Variants in KIRREL3 observed in about 807,000 individuals in gnomAD.
KIRREL3 encodes the protein kirre like nephrin family adhesion molecule 3.
KIRREL3 carries 36 observed loss-of-function variants against 89.7 expected under a neutral mutation model. The observed-to-expected ratio is 0.40, with a 90% CI of 0.31 to 0.53. KIRREL3 has a LOEUF of 0.53. KIRREL3 is among the 20% of genes least tolerant of loss of function. The probability of loss-of-function intolerance (pLI) is 0.49; values close to 1 mark genes in which losing one functional copy is unlikely to be tolerated. For missense variants in KIRREL3, 864 were observed against 1,056.6 expected (o/e 0.82, Z 2.53); for synonymous variants, 445 against 441.4 (o/e 1.01, Z -0.10).
rs1957512261 is a variant in KIRREL3, at chr11:126,491,437, G to A, written c.434-17971C>T. On this transcript the variant is annotated intron_variant, in intron 4 of 16. Transcript: ENST00000525144. This position sits in a 1 kb window ranked among gnomAD's most constrained non-coding sequence, Gnocchi z 5.5. ...TGGCTGAGAACTAATTCAAGGCCAT[G>A]TGACTCTGGCTAAAGCCTGCATCCT... Among the ~76,000 whole-genome samples, 1 of 152,206 alleles carries A rather than the reference G, an allele frequency of 6.6e-6. No individual in the cohort carries two copies. Among genetic ancestry groups the A allele is most frequent in the African/African-American group, 2.4e-5 (1 of 41,462 alleles).
intron 1 of KIRREL3, among the ~76,000 whole-genome samples, chr11:126,753,362 C>T (rs1949397557): frequency 6.6e-6 from 1 of 152,156 alleles, no homozygotes; most frequent in South Asian, 2.1e-4. Context: ...TCAGTTACTC[C>T]AAGGAGCCAC....
intron 1 of KIRREL3, among the ~76,000 whole-genome samples, chr11:126,938,833 A>G (rs1371384593): frequency 6.6e-6 from 1 of 152,194 alleles, no homozygotes; most frequent in East Asian, 1.9e-4. Context: ...TCTCTACAGG[A>G]TATGTGAGAT....
In KIRREL3 at chr11:126,843,348, G is replaced by C. The variant is rs1381867833; in HGVS notation, c.55+157107C>G. Among the ~76,000 whole-genome samples the C allele has an allele frequency of 6.6e-6, 1 of 152,220 alleles. No homozygotes were observed. Among genetic ancestry groups the C allele is most frequent in the Non-Finnish European group, 1.5e-5 (1 of 68,034 alleles). On this transcript the variant is annotated intron_variant, in intron 1 of 16. Transcript: ENST00000525144. The surrounding 1 kb of genome is among the most constrained non-coding windows in gnomAD (Gnocchi z 4.6). ...CAAAGGCAATCTGGAAGATCTCCAA[G>C]TGTAAAGGTGCATGAGAAATGCTTC...
rs1274937793 is a variant in KIRREL3, at chr11:126,490,026, C to T, written c.434-16560G>A. On this transcript the variant is annotated intron_variant, in intron 4 of 16. Transcript: ENST00000525144. This position sits in a 1 kb window ranked among gnomAD's most constrained non-coding sequence, Gnocchi z 4.2. Reference sequence around the variant, plus strand: ...CTTGGAAGCAGCCCATGAGCTGCTTCGAGGAGTGAACGGGGTGAGGTGTCC... The same window carrying T: ...CTTGGAAGCAGCCCATGAGCTGCTTTGAGGAGTGAACGGGGTGAGGTGTCC... 2.0e-5 allele frequency among the ~76,000 whole-genome samples: 3 copies of T among 151,996 alleles called. No homozygotes were observed. The highest frequency in any genetic ancestry group is 6.6e-5 in the Admixed American group (1 of 15,256).
In KIRREL3 at chr11:126,690,361, G is replaced by GTTT. The variant is rs368699048; in HGVS notation, c.56-127450_56-127449insAAA. 2.3e-3 allele frequency among the ~76,000 whole-genome samples: 333 copies of GTTT among 144,460 alleles called. 2 individuals are homozygous for GTTT. Among genetic ancestry groups the GTTT allele is most frequent in the African/African-American group, 6.3e-3 (246 of 39,110 alleles). The allele number at this position is 144,460 out of a possible 152,430, so 94.8% of individuals were successfully genotyped here. A position where few individuals can be genotyped will look rare whatever the true frequency, so the allele number is the denominator to read the frequency against. ...TTGAAAGAAATTAGTTCTAAGCAGG[G>GTTT]GTTTTTTTTTTTTTTCCCATTAGTT... On this transcript the variant is annotated intron_variant, in intron 1 of 16. Transcript: ENST00000525144.
At chr11:126,499,701 G>A (rs1406268662) in intron 4 of KIRREL3, among the ~76,000 whole-genome samples, 1 of 152,190 alleles carries the variant, frequency 6.6e-6, no homozygotes, top group Non-Finnish European at 1.5e-5. Flanking sequence ...CTATGATTAC[G>A]TTTTCATTTT....
In KIRREL3 at chr11:126,525,559, T is replaced by C. The variant is rs1177382504; in HGVS notation, c.283+979A>G. ...AAAAATATTAATTTCCCAACCATCA[T>C]GTTCCTGAGTGCACTTCGATTTTTA... On this transcript the variant is annotated intron_variant, in intron 3 of 16. Transcript: ENST00000525144. This position sits in a 1 kb window ranked among gnomAD's most constrained non-coding sequence, Gnocchi z 5.4. Among the ~76,000 whole-genome samples the C allele has an allele frequency of 2.6e-5, 4 of 152,236 alleles. No individual in the cohort carries two copies. Among genetic ancestry groups the C allele is most frequent in the African/African-American group, 7.2e-5 (3 of 41,468 alleles).
At chr11:126,762,322 G>A (rs188694537) in intron 1 of KIRREL3, among the ~76,000 whole-genome samples, 52 of 152,282 alleles carry the variant, frequency 3.4e-4, no homozygotes, top group Non-Finnish European at 1.2e-4. Context: ...ACCAGGTCAG[G>A]TTAGGTACCC....
At chr11:126,504,057 GA>G (rs1957947422) in intron 4 of KIRREL3, among the ~76,000 whole-genome samples, 1 of 152,152 alleles carries the variant, frequency 6.6e-6, no homozygotes, top group Non-Finnish European at 1.5e-5. Context: ...CTTACTGAAT[GA>G]CTCCTTTGAG....
At chr11:126,695,828 C>T (rs559314042) in intron 1 of KIRREL3, among the ~76,000 whole-genome samples, 16 of 152,188 alleles carry the variant, frequency 1.1e-4, no homozygotes, top group South Asian at 4.1e-4. Context: ...AGCTGATGGC[C>T]AGCGTAGAGC....
intron 1 of KIRREL3, among the ~76,000 whole-genome samples, chr11:126,618,241 T>C (rs1041956516): frequency 6.8e-6 from 1 of 146,228 alleles, no homozygotes; most frequent in Non-Finnish European, 1.5e-5. Flanking sequence ...AGTTACGCAT[T>C]GGCCAGGGTG....
chr11:126,818,835 C>T (rs1247802710), intron 1 of KIRREL3, among the ~76,000 whole-genome samples: 1 of 151,894 alleles, frequency 6.6e-6, no homozygotes, highest in Non-Finnish European at 1.5e-5. Flanking sequence ...GCAGCTTGGT[C>T]TCTGGTTTTC....
intron 1 of KIRREL3, among the ~76,000 whole-genome samples, chr11:126,649,251 C>T (rs1944815479): frequency 1.3e-5 from 2 of 152,116 alleles, no homozygotes; most frequent in South Asian, 2.1e-4. Context: ...CAGAGCCAAA[C>T]CATATCATTC....
chr11:126,922,398 TC>T (rs2134987724), intron 1 of KIRREL3, among the ~76,000 whole-genome samples: 1 of 152,214 alleles, frequency 6.6e-6, no homozygotes, highest in African/African-American at 2.4e-5. Context: ...GAAGGCCTCT[TC>T]CTGCTTCTTA....
In KIRREL3 at chr11:126,431,134, A is replaced by T; in HGVS notation, c.1696+285T>A. The T allele has an allele frequency of 7.0e-7, 1 of 1,428,052 alleles. No homozygotes were observed. Among genetic ancestry groups the T allele is most frequent in the Non-Finnish European group, 9.1e-7 (1 of 1,094,786 alleles). The allele number at this position is 1,428,052 out of a possible 1,614,324, so 88.5% of individuals were successfully genotyped here. A position where few individuals can be genotyped will look rare whatever the true frequency, so the allele number is the denominator to read the frequency against. ...CGCTTTTCCCCCTATCTTTCTGTAC[A>T]GTTCCTGACTGAAAGAGCTATGTGT... is the stretch of plus-strand genomic sequence containing the variant. On this transcript the variant is annotated intron_variant, in intron 14 of 16. Transcript: ENST00000525144. The surrounding 1 kb of genome is among the most constrained non-coding windows in gnomAD (Gnocchi z 7.1).
rs1957046964 is a variant in KIRREL3, at chr11:126,475,785, G to A, written c.434-2319C>T. Among the ~76,000 whole-genome samples the A allele has an allele frequency of 6.6e-6, 1 of 152,226 alleles. No homozygotes were observed. Among genetic ancestry groups the A allele is most frequent in the African/African-American group, 2.4e-5 (1 of 41,466 alleles). Reference sequence around the variant, plus strand: ...CGGCTCAGGGCTTTCCACCAAGTGGGGGTGGGTGCAACCACTTGTGGAGGA... The same window carrying A: ...CGGCTCAGGGCTTTCCACCAAGTGGAGGTGGGTGCAACCACTTGTGGAGGA... On this transcript the variant is annotated intron_variant, in intron 4 of 16. Coordinates refer to ENST00000525144, the MANE Select transcript of KIRREL3 (RefSeq NM_032531.4). This position sits in a 1 kb window ranked among gnomAD's most constrained non-coding sequence, Gnocchi z 7.5.
rs1946184703 is a variant in KIRREL3, at chr11:126,896,957, G to C, written c.55+103498C>G. On this transcript the variant is annotated intron_variant, in intron 1 of 16. Transcript: ENST00000525144. This position sits in a 1 kb window ranked among gnomAD's most constrained non-coding sequence, Gnocchi z 4.1. ...TGGCTCCTTTCTTTTGTTACTCTAA[G>C]ACTTTGCAGAATCAAAAGATTCTAA... 1.3e-5 allele frequency among the ~76,000 whole-genome samples: 2 copies of C among 152,074 alleles called. No individual in the cohort carries two copies. Among genetic ancestry groups the C allele is most frequent in the Non-Finnish European group, 1.5e-5 (1 of 68,010 alleles).
At chr11:126,822,095 C>T (rs781441736) in intron 1 of KIRREL3, among the ~76,000 whole-genome samples, 10 of 152,182 alleles carry the variant, frequency 6.6e-5, no homozygotes, top group Non-Finnish European at 1.3e-4. Flanking sequence ...TATTACAATG[C>T]TTTCTTGATC....
At chr11:126,746,475 A>G (rs188496176) in intron 1 of KIRREL3, among the ~76,000 whole-genome samples, 25 of 152,234 alleles carry the variant, frequency 1.6e-4, no homozygotes, top group Non-Finnish European at 3.2e-4. Context: ...TCTGAGCTCC[A>G]CACTTGAGTT....
Sources: allele counts gnomAD v4.1 joint callset (sites outside exome capture counted in the v4.1 genomes callset), GRCh38; gene constraint gnomAD v4.1.1; non-coding constraint Gnocchi (gnomAD v3.1); transcripts MANE v1.5; gene names NCBI Gene and HGNC (gene_info 2026-07-23, HGNC 2026-07-21).